Variants in F13A1 observed in about 807,000 individuals in gnomAD.
F13A1 encodes the protein FSF, A subunit.
Under a neutral mutation model 80.1 loss-of-function variants are expected in F13A1, and 47 were observed. The observed-to-expected ratio is 0.59, with a 90% confidence interval of 0.46 to 0.75. F13A1 has a LOEUF of 0.75. F13A1 is among the 30% of genes least tolerant of loss of function. The pLI, the probability that F13A1 is intolerant of heterozygous loss-of-function variation, is 0.00. For synonymous variants in F13A1, 349 were observed against 344.9 expected (o/e 1.01, Z -0.13); for missense variants, 817 against 930.4 (o/e 0.88, Z 1.59).
At chr6:6,235,643 C>T (rs1036902336) in intron 6 of F13A1, among the ~76,000 whole-genome samples, 2 of 151,862 alleles carry the variant, frequency 1.3e-5, no homozygotes, top group South Asian at 2.1e-4. Context: ...ATGAAGTGTC[C>T]GGGAGGATAT....
At chr6:6,212,362 T>TCCCTGAC (rs545964668) in intron 8 of F13A1, among the ~76,000 whole-genome samples, 18,971 of 151,060 alleles carry the variant, frequency 0.13, 1,377 homozygotes, top group Middle Eastern at 0.18. Context: ...CTCAAGTGGG[T>TCCCTGAC]CCCTGACCCC....
intron 7 of F13A1, 66 bp downstream of exon 7, chr6:6,224,620 T>C: frequency 2.0e-6 from 3 of 1,469,728 alleles, no homozygotes; most frequent in South Asian, 1.2e-5. Context: ...TGTTAGGTTA[T>C]AGAAAAAATG....
chr6:6,294,917 C>G (rs1435773712), intron 3 of F13A1, among the ~76,000 whole-genome samples: 22 of 129,534 alleles, frequency 1.7e-4, no homozygotes, highest in Non-Finnish European at 6.4e-5. Flanking sequence ...ACAACAGGCC[C>G]CAGAGTGTGA....
chr6:6,294,879 T>G (rs1205279720), intron 3 of F13A1, among the ~76,000 whole-genome samples: 1 of 142,122 alleles, frequency 7.0e-6, no homozygotes, highest in Non-Finnish European at 1.5e-5. Flanking sequence ...TATCTCCCAA[T>G]GCTATCCCTC....
At chr6:6,309,600 C>G (rs1758562597) in intron 2 of F13A1, among the ~76,000 whole-genome samples, 1 of 152,126 alleles carries the variant, frequency 6.6e-6, no homozygotes, top group Non-Finnish European at 1.5e-5. Context: ...ATCACACGAG[C>G]CTTGGAGACC....
intron 3 of F13A1, among the ~76,000 whole-genome samples, chr6:6,282,273 G>T (rs1483926180): frequency 1.3e-5 from 2 of 152,078 alleles, no homozygotes; most frequent in Non-Finnish European, 2.9e-5. Context: ...CTCAAAACGG[G>T]CCTGAAACAT....
intron 3 of F13A1, among the ~76,000 whole-genome samples, chr6:6,289,670 T>C (rs759972945): frequency 3.3e-5 from 5 of 151,746 alleles, no homozygotes; most frequent in East Asian, 1.9e-4. Context: ...ATCTAAAAAG[T>C]AGAAAAAAAT....
At chr6:6,298,001 A>T (rs1175139575) in intron 3 of F13A1, among the ~76,000 whole-genome samples, 1 of 150,566 alleles carries the variant, frequency 6.6e-6, no homozygotes, top group African/African-American at 2.5e-5. Context: ...TCATTTCATT[A>T]TGTATCCAGT....
intron 5 of F13A1, among the ~76,000 whole-genome samples, chr6:6,249,167 T>C (rs1757595758): frequency 6.6e-6 from 1 of 152,230 alleles, no homozygotes; most frequent in Non-Finnish European, 1.5e-5. Context: ...TTTTCCTGAA[T>C]AGAGAAACCT....
At chr6:6,168,064 C>T (rs1760709138) in intron 12 of F13A1, among the ~76,000 whole-genome samples, 1 of 152,196 alleles carries the variant, frequency 6.6e-6, no homozygotes, top group Non-Finnish European at 1.5e-5. Flanking sequence ...GGCCATGGGC[C>T]ACACTCAGAC....
intron 14 of F13A1, among the ~76,000 whole-genome samples, chr6:6,149,802 G>A (rs1461218461): frequency 2.0e-5 from 3 of 152,186 alleles, no homozygotes; most frequent in African/African-American, 4.8e-5. Flanking sequence ...CTAGACTTAC[G>A]TGTTGCAGTA....
At chr6:6,278,734 G>A (rs539961586) in intron 3 of F13A1, among the ~76,000 whole-genome samples, 4 of 152,278 alleles carry the variant, frequency 2.6e-5, no homozygotes, top group African/African-American at 9.6e-5. Context: ...GGGAATTGTG[G>A]GAGACGAGAA....
intron 10 of F13A1, among the ~76,000 whole-genome samples, chr6:6,183,016 C>G (rs1761016460): frequency 6.6e-6 from 1 of 152,114 alleles, no homozygotes; most frequent in Non-Finnish European, 1.5e-5. Context: ...CAAGCTCTCC[C>G]AAGGCTCTGC....
intron 8 of F13A1, among the ~76,000 whole-genome samples, chr6:6,211,990 C>T (rs1359778556): frequency 1.3e-5 from 2 of 152,248 alleles, no homozygotes; most frequent in African/African-American, 2.4e-5. Context: ...AAACGGCACA[C>T]CAGGAGATTA....
chr6:6,174,775 T>C lies in F13A1; in HGVS notation c.1552A>G (p.Asn518Asp). 2 of 1,614,226 alleles carry C rather than the reference T, an allele frequency of 1.2e-6. No homozygotes were observed. The highest frequency in any genetic ancestry group is 1.7e-6 in the Non-Finnish European group (2 of 1,180,038). Residue 518 changes from asparagine (N) to aspartate (D), a missense_variant, in exon 12 of 15, where the codon AAC becomes GAC. Coordinates refer to ENST00000264870, the MANE Select transcript of F13A1 (RefSeq NM_000129.4). Reference protein sequence around the residue: ...NTEGVMKSRSNVDMDFEVENA... With the variant: ...NTEGVMKSRSDVDMDFEVENA... ...TCCACTTCAAAGTCCATGTCAACGT[T>C]GGACCTTGATTTCATGACACCTTCT...
chr6:6,293,626 G>A (rs1758264704), intron 3 of F13A1, among the ~76,000 whole-genome samples: 1 of 151,924 alleles, frequency 6.6e-6, no homozygotes, highest in South Asian at 2.1e-4. Context: ...GGCCAGGTAA[G>A]GCAGTAGCTC....
rs547589230 is a variant in F13A1 at position 6,185,360 on chromosome 6, A to T, written c.1306-3219T>A. Reference sequence around the variant, plus strand: ...CATGTGATCTCATTGTTCAATTCCCACCTATGAGTGAGAATATGCGGTGTT... The same window carrying T: ...CATGTGATCTCATTGTTCAATTCCCTCCTATGAGTGAGAATATGCGGTGTT... On this transcript the variant is annotated intron_variant, in intron 10 of 14. Transcript: ENST00000264870. 5.6e-4 allele frequency among the ~76,000 whole-genome samples: 75 copies of T among 134,806 alleles called. 1 individual carries two copies. The highest frequency in any genetic ancestry group is 1.1e-3 in the Non-Finnish European group (74 of 65,180). 88.4% of individuals were successfully genotyped at this position (134,806 alleles called of 152,430 possible).
chr6:6,222,505 G>A (rs1455006155), intron 7 of F13A1, among the ~76,000 whole-genome samples: 2 of 152,078 alleles, frequency 1.3e-5, no homozygotes, highest in Non-Finnish European at 2.9e-5. Flanking sequence ...CTATGTTCCC[G>A]AAAATACAAT....
intron 3 of F13A1, among the ~76,000 whole-genome samples, chr6:6,297,877 G>A (rs1001965360): frequency 2.7e-5 from 4 of 149,464 alleles, no homozygotes; most frequent in African/African-American, 1.0e-4. Context: ...TTTCTCTTGT[G>A]GGCATTTAGT....
Sources: gnomAD v4.1 joint callset for allele counts (sites outside exome capture counted in the v4.1 genomes callset) on GRCh38, gnomAD v4.1.1 for gene constraint, MANE v1.5 for transcripts, NCBI Gene and HGNC (gene_info 2026-07-23, HGNC 2026-07-21) for gene names.